The following CPE variants were observed in gnomAD, a reference collection of about 807,000 sequenced individuals.
The protein encoded by CPE is carbocypeptidase E.
A neutral mutation model predicts 53.5 loss-of-function variants in CPE; 17 were observed. The observed-to-expected ratio is 0.32, with a 90% CI of 0.22 to 0.48. CPE has a LOEUF of 0.48. Ranked by LOEUF, CPE falls within the 20% of genes least tolerant of loss-of-function variation. The pLI, the probability that CPE is intolerant of heterozygous loss-of-function variation, is 0.99. For synonymous variants in CPE, 226 were observed against 228.8 expected (o/e 0.99, Z 0.11); for missense variants, 524 against 614.7 (o/e 0.85, Z 1.56).
chr4:165,395,796 T>C (rs1268135981), intron 1 of CPE, among the ~76,000 whole-genome samples: 1 of 152,184 alleles, frequency 6.6e-6, no homozygotes, highest in Non-Finnish European at 1.5e-5. Flanking sequence ...GCATAACATG[T>C]AGATGCCCAA....
At chr4:165,476,572 G>T (rs565803050) in intron 3 of CPE, among the ~76,000 whole-genome samples, 1 of 152,088 alleles carries the variant, frequency 6.6e-6, no homozygotes, top group Admixed American at 6.6e-5. Flanking sequence ...CCAGTTTCAG[G>T]TTTTTTAATC....
At position 165,484,430 on chromosome 4, in the gene CPE, C is replaced by T. The variant is rs1356687958; in HGVS notation, c.799C>T (p.His267Tyr). 1 of 1,613,678 alleles carries T rather than the reference C, an allele frequency of 6.2e-7. No homozygotes were observed. The highest frequency in any genetic ancestry group is 8.5e-7 in the Non-Finnish European group (1 of 1,179,724). Reference sequence around the variant, plus strand: ...GTGGATTTGTTTTCTAGGTAGTGCTCACGAATACAGCTCCTCCCCAGATGA... The same window carrying T: ...GTGGATTTGTTTTCTAGGTAGTGCTTACGAATACAGCTCCTCCCCAGATGA... The part of the protein sequence containing the change: ...PYDETRSGSA[H>Y]EYSSSPDDAI... The change falls in exon 5 of 9, where the codon CAC becomes TAC. Residue 267 changes from histidine to tyrosine, a missense_variant. Coordinates refer to ENST00000402744, the MANE Select transcript of CPE (RefSeq NM_001873.4).
chr4:165,397,464 C>T (rs1284247527), intron 1 of CPE, among the ~76,000 whole-genome samples: 1 of 152,124 alleles, frequency 6.6e-6, no homozygotes, highest in East Asian at 1.9e-4. Context: ...ATATTAGACA[C>T]CTATTTATTT....
At chr4:165,444,597 G>A (rs1242415602) in intron 1 of CPE, among the ~76,000 whole-genome samples, 5 of 152,180 alleles carry the variant, frequency 3.3e-5, no homozygotes, top group African/African-American at 1.2e-4. Flanking sequence ...TGGGGAGACT[G>A]TGTACAGCTA....
intron 1 of CPE, among the ~76,000 whole-genome samples, chr4:165,410,190 A>G (rs1237959742): frequency 6.6e-6 from 1 of 151,258 alleles, no homozygotes; most frequent in Non-Finnish European, 1.5e-5. Context: ...CAGAGTTTGC[A>G]GTGAGCCAAG....
chr4:165,416,586 C>G (rs536483744), intron 1 of CPE, among the ~76,000 whole-genome samples: 1 of 151,874 alleles, frequency 6.6e-6, no homozygotes, highest in African/African-American at 2.4e-5. Context: ...TCTGCTCATG[C>G]CAGGCTTTGC....
chr4:165,459,674 T>TGGGGGGGGGGGGGG (rs572743841), intron 1 of CPE, among the ~76,000 whole-genome samples: 31 of 56,102 alleles, frequency 5.5e-4, no homozygotes, highest in South Asian at 7.5e-4. Context: ...GAGGGCTGGG[T>TGGGGGGGGGGGGGG]GGGGGGGGGC....
intron 7 of CPE, among the ~76,000 whole-genome samples, chr4:165,494,773 A>C (rs1203503119): frequency 6.6e-6 from 1 of 152,232 alleles, no homozygotes; most frequent in Non-Finnish European, 1.5e-5. Context: ...GGTAGATTTG[A>C]TGATACGGTG....
At chr4:165,439,721 A>C (rs1194394126) in intron 1 of CPE, among the ~76,000 whole-genome samples, 1 of 152,188 alleles carries the variant, frequency 6.6e-6, no homozygotes, top group Non-Finnish European at 1.5e-5. Context: ...ACTAATGAGA[A>C]AATATATATT....
intron 1 of CPE, among the ~76,000 whole-genome samples, chr4:165,401,519 AC>A (rs1293136891): frequency 1.1e-4 from 16 of 152,190 alleles, no homozygotes; most frequent in African/African-American, 3.6e-4. Context: ...AAATCATGAA[AC>A]CTGTCACGTA....
intron 3 of CPE, among the ~76,000 whole-genome samples, chr4:165,469,343 G>A (rs79225537): frequency 0.034 from 5,142 of 152,114 alleles, 139 homozygotes; most frequent in Non-Finnish European, 0.048. Flanking sequence ...GTGAGAGCTC[G>A]CAAAGTACCA....
intron 6 of CPE, among the ~76,000 whole-genome samples, chr4:165,490,309 A>T (rs2126715880): frequency 6.6e-6 from 1 of 152,326 alleles, no homozygotes; most frequent in East Asian, 1.9e-4. Flanking sequence ...GAAAGAGTCT[A>T]GTTCTCAAAA....
At chr4:165,453,287 C>T (rs1274014615) in intron 1 of CPE, among the ~76,000 whole-genome samples, 1 of 151,678 alleles carries the variant, frequency 6.6e-6, no homozygotes, top group East Asian at 1.9e-4. Context: ...TTCTCATTTT[C>T]TTTCCTTCTT....
At chr4:165,469,311 CT>C (rs1293500266) in intron 3 of CPE, among the ~76,000 whole-genome samples, 1 of 152,170 alleles carries the variant, frequency 6.6e-6, no homozygotes, top group Non-Finnish European at 1.5e-5. Flanking sequence ...CATATGTCCC[CT>C]ACATGTAGTG....
At position 165,379,883 on chromosome 4, in the gene CPE, C is replaced by T. The variant is rs202158426; in HGVS notation, c.307+355C>T. 6.6e-6 allele frequency among the ~76,000 whole-genome samples: 1 copy of T among 152,188 alleles called. No homozygotes were observed. The highest frequency in any genetic ancestry group is 6.5e-5 in the Admixed American group (1 of 15,288). ...TCCTGACGCACGCAACCCCAGCGGT[C>T]GCTCTCACTTTGCTGTGTGAAAAAC... On this transcript the variant is annotated intron_variant, in intron 1 of 8. Coordinates refer to ENST00000402744, the MANE Select transcript of CPE (RefSeq NM_001873.4). This position sits in a 1 kb window ranked among gnomAD's most constrained non-coding sequence, Gnocchi z 6.0.
At chr4:165,431,699 G>T (rs1345696713) in intron 1 of CPE, among the ~76,000 whole-genome samples, 1 of 152,100 alleles carries the variant, frequency 6.6e-6, no homozygotes, top group Non-Finnish European at 1.5e-5. Context: ...AAGTACTGAA[G>T]AACTTTTGGA....
At chr4:165,441,592 A>C (rs1731610996) in intron 1 of CPE, among the ~76,000 whole-genome samples, 1 of 152,182 alleles carries the variant, frequency 6.6e-6, no homozygotes. Context: ...TCCTGGTTCC[A>C]ATTACGCCTA....
chr4:165,467,650 C>T (rs760596400), intron 2 of CPE, 38 bp from the exon 3 acceptor site: 1 of 1,550,082 alleles, frequency 6.5e-7, no homozygotes, highest in South Asian at 1.2e-5. Flanking sequence ...TAATAATAAG[C>T]AACTAATGAT....
intron 1 of CPE, among the ~76,000 whole-genome samples, chr4:165,413,992 G>A (rs909999350): frequency 6.6e-6 from 1 of 152,084 alleles, no homozygotes; most frequent in Non-Finnish European, 1.5e-5. Flanking sequence ...AAGAAAAATC[G>A]TTCACTTTGA....
Sources: gnomAD v4.1 joint callset for allele counts (sites outside exome capture counted in the v4.1 genomes callset) on GRCh38, gnomAD v4.1.1 for gene constraint, Gnocchi (gnomAD v3.1) non-coding constraint, MANE v1.5 for transcripts, NCBI Gene and HGNC (gene_info 2026-07-23, HGNC 2026-07-21) for gene names.